The following PCBP3 variants were observed in gnomAD, a reference collection of about 807,000 sequenced individuals.
The protein encoded by PCBP3 is poly(rC) binding protein 3.
A neutral mutation model predicts 52.7 loss-of-function variants in PCBP3; 25 were observed. That is an observed-to-expected ratio of 0.47 (90% CI 0.35 to 0.66). PCBP3 has a LOEUF of 0.66. Ranked by LOEUF, PCBP3 falls within the 30% of genes least tolerant of loss-of-function variation. The pLI, the probability that PCBP3 is intolerant of heterozygous loss-of-function variation, is 0.01. For synonymous variants in PCBP3, 162 were observed against 183.0 expected (o/e 0.89, Z 0.93); for missense variants, 391 against 490.3 (o/e 0.80, Z 1.91).
rs9979433 is a variant in PCBP3 at position 45,898,378 on chromosome 21, G to A, written c.166-1221G>A. Among the ~76,000 whole-genome samples, 108 of 71,008 alleles carry A rather than the reference G, an allele frequency of 1.5e-3. 1 individual carries two copies. Among genetic ancestry groups the A allele is most frequent in the East Asian group, 3.3e-3 (3 of 914 alleles). The allele number at this position is 71,008 out of a possible 152,430, so 46.6% of individuals were successfully genotyped here. A position where few individuals can be genotyped will look rare whatever the true frequency, so the allele number is the denominator to read the frequency against. ...TCCTCATGGTCTCCCTCTGCACACC[G>A]TCCTCACAGCCTCCCTCTGCACACC... On this transcript the variant is annotated intron_variant, in intron 6 of 17. Coordinates refer to ENST00000681687, the MANE Select transcript of PCBP3 (RefSeq NM_001384156.1).
chr21:45,848,917 G>A (rs746310145), intron 4 of PCBP3, among the ~76,000 whole-genome samples: 12 of 152,156 alleles, frequency 7.9e-5, no homozygotes, highest in Non-Finnish European at 1.5e-4. Context: ...TATTTTAAAA[G>A]CACTTGGATT....
chr21:45,691,137 TAAAC>T (rs2082436500), intron 2 of PCBP3, among the ~76,000 whole-genome samples: 1 of 151,908 alleles, frequency 6.6e-6, no homozygotes, highest in Admixed American at 6.6e-5. Flanking sequence ...AACAGGCAAG[TAAAC>T]AAAGAGTACA....
chr21:45,777,186 G>A (rs993101821), intron 4 of PCBP3, among the ~76,000 whole-genome samples: 1 of 152,084 alleles, frequency 6.6e-6, no homozygotes, highest in Non-Finnish European at 1.5e-5. Flanking sequence ...AGTCTTCTTG[G>A]ATGGCAGGTT....
intron 2 of PCBP3, among the ~76,000 whole-genome samples, chr21:45,698,785 T>C (rs1052459096): frequency 1.3e-5 from 2 of 152,236 alleles, no homozygotes; most frequent in Non-Finnish European, 2.9e-5. Flanking sequence ...AAGGAGATTT[T>C]GGCTTGGCCC....
rs1603352936 is a variant in PCBP3, at chr21:45,737,123, C to T, written c.-162+1694C>T. Among the ~76,000 whole-genome samples the T allele has an allele frequency of 1.3e-5, 2 of 152,036 alleles. No individual in the cohort carries two copies. Among genetic ancestry groups the T allele is most frequent in the African/African-American group, 4.8e-5 (2 of 41,474 alleles). ...TGCGGGGCAGGAGGTGAGAGTGCCGCGGGTTAGGAGGTGAGGGTGCAGCTG... is the reference window on the plus strand; with the variant it reads ...TGCGGGGCAGGAGGTGAGAGTGCCGTGGGTTAGGAGGTGAGGGTGCAGCTG... On this transcript the variant is annotated intron_variant, in intron 3 of 17. Transcript: ENST00000681687. The surrounding 1 kb of genome is among the most constrained non-coding windows in gnomAD (Gnocchi z 4.9).
intron 1 of PCBP3, among the ~76,000 whole-genome samples, chr21:45,660,846 C>G (rs2080342809): frequency 6.6e-6 from 1 of 152,120 alleles, no homozygotes; most frequent in Non-Finnish European, 1.5e-5. Flanking sequence ...CGAGACCAGC[C>G]TGGCCAACAT....
At chr21:45,695,189 TC>T (rs1410487611) in intron 2 of PCBP3, among the ~76,000 whole-genome samples, 2 of 152,214 alleles carry the variant, frequency 1.3e-5, no homozygotes, top group African/African-American at 2.4e-5. Flanking sequence ...TAACTCCTGA[TC>T]CCACCTGTCT....
chr21:45,774,354 C>T (rs1035472840), intron 4 of PCBP3, among the ~76,000 whole-genome samples: 7 of 150,040 alleles, frequency 4.7e-5, no homozygotes, highest in East Asian at 2.0e-4. Flanking sequence ...TGCGCCACTG[C>T]ACTCCAGCCT....
intron 3 of PCBP3, among the ~76,000 whole-genome samples, chr21:45,745,594 C>T (rs1438513970): frequency 6.6e-6 from 1 of 152,212 alleles, no homozygotes; most frequent in South Asian, 2.1e-4. Flanking sequence ...GTTATGCTGA[C>T]GTGTATCATG....
At chr21:45,792,453 A>T (rs1453158323) in intron 4 of PCBP3, among the ~76,000 whole-genome samples, 1 of 152,230 alleles carries the variant, frequency 6.6e-6, no homozygotes, top group Non-Finnish European at 1.5e-5. Context: ...AAGAAAACTT[A>T]AATAGAGTTT....
chr21:45,760,908 G>A (rs1020979633), intron 4 of PCBP3: 1 of 152,084 alleles, frequency 6.6e-6, no homozygotes, highest in Non-Finnish European at 1.5e-5. Flanking sequence ...CCAACATGGT[G>A]AAACCCCGTC....
chr21:45,797,709 G>T (rs796334292), intron 4 of PCBP3, among the ~76,000 whole-genome samples: 252 of 5,558 alleles, frequency 0.045, no homozygotes, highest in Middle Eastern at 0.17. Context: ...TGGATCCACA[G>T]AGAGTGAATG....
chr21:45,874,825 C>G (rs77573604), intron 5 of PCBP3, among the ~76,000 whole-genome samples: 1 of 152,168 alleles, frequency 6.6e-6, no homozygotes, highest in Non-Finnish European at 1.5e-5. Context: ...GTCACTGTGT[C>G]GGTCCCTGTG....
rs1569496741 is a variant in PCBP3, at chr21:45,918,829, T to TGGGG, written c.717+1201_717+1202insGGGG. The stretch of plus-strand genomic sequence containing the variant: ...TAAACCATTGGTGTAATTCCAGTGC[T>TGGGG]GAGGGAAGAAGTTACCCTCAGATAA... On this transcript the variant is annotated intron_variant, in intron 13 of 17. Coordinates refer to ENST00000681687, the MANE Select transcript of PCBP3 (RefSeq NM_001384156.1). 3.5e-5 allele frequency: 5 copies of TGGGG among 144,886 alleles called. 2 individuals carry two copies. Among genetic ancestry groups the TGGGG allele is most frequent in the Admixed American group, 1.4e-4 (2 of 14,558 alleles). The allele number at this position is 144,886 out of a possible 1,614,324, so 9.0% of individuals were successfully genotyped here.
At chr21:45,908,767 G>C (rs2096268569) in intron 9 of PCBP3, among the ~76,000 whole-genome samples, 1 of 152,180 alleles carries the variant, frequency 6.6e-6, no homozygotes, top group Admixed American at 6.5e-5. Flanking sequence ...CCAAAGCCCA[G>C]CTCTGTCTCC....
intron 4 of PCBP3, among the ~76,000 whole-genome samples, chr21:45,759,298 CTTG>C (rs577318765): frequency 6.6e-5 from 10 of 152,016 alleles, no homozygotes; most frequent in South Asian, 2.1e-4. Flanking sequence ...CCTGGAGTTT[CTTG>C]TTGTTGTTGT....
At chr21:45,831,988 G>GGTGTGAGCCA (rs1328183034) in intron 4 of PCBP3, among the ~76,000 whole-genome samples, 2 of 152,190 alleles carry the variant, frequency 1.3e-5, no homozygotes, top group African/African-American at 4.8e-5. Flanking sequence ...TGGAATTACA[G>GGTGTGAGCCA]GTGTGAGCCA....
chr21:45,911,296 C>T (rs1275938548), intron 11 of PCBP3: 3 of 474,326 alleles, frequency 6.3e-6, no homozygotes, highest in Admixed American at 3.2e-5. Flanking sequence ...CTCTCATCTT[C>T]GGATTTGGGT....
At chr21:45,747,238 C>T (rs1759565430) in intron 3 of PCBP3, among the ~76,000 whole-genome samples, 1 of 152,218 alleles carries the variant, frequency 6.6e-6, no homozygotes, top group Admixed American at 6.5e-5. Context: ...GATTTATTCA[C>T]TACCATGAGA....
Sources: gnomAD v4.1 joint callset for allele counts (sites outside exome capture counted in the v4.1 genomes callset) on GRCh38, gnomAD v4.1.1 for gene constraint, Gnocchi (gnomAD v3.1) non-coding constraint, MANE v1.5 for transcripts, NCBI Gene and HGNC (gene_info 2026-07-23, HGNC 2026-07-21) for gene names.